OGT: variants seen among roughly 807,000 people sequenced by gnomAD.
OGT encodes the protein UDP-N-acetylglucosamine--peptide N-acetylglucosaminyltransferase 110 kDa subunit.
A neutral mutation model predicts 75.8 loss-of-function variants in OGT; 3 were observed. That is an observed-to-expected ratio of 0.04 (90% CI 0.02 to 0.10). OGT has a LOEUF of 0.10. Ranked by LOEUF, OGT falls within the 10% of genes least tolerant of loss-of-function variation. The probability of loss-of-function intolerance (pLI) is 1.00; values close to 1 mark genes in which losing one functional copy is unlikely to be tolerated. For synonymous variants in OGT, 257 were observed against 289.7 expected (o/e 0.89, Z 1.15); for missense variants, 260 against 824.4 (o/e 0.32, Z 8.38).
chrX:71,558,117 A>G (rs780969224), intron 12 of OGT, among the ~76,000 whole-genome samples: 66 of 108,757 alleles, frequency 6.1e-4, no homozygotes, highest in South Asian at 8.1e-4. Context: ...CACCACACCT[A>G]ATTTTGTGTT....
intron 4 of OGT, chrX:71,547,640 G>A: frequency 1.0e-6 from 1 of 991,357 alleles, no homozygotes. Context: ...CCCAGTGTAA[G>A]GGTTGGTCTT....
intron 19 of OGT, among the ~76,000 whole-genome samples, chrX:71,567,272 C>T (rs964824644): frequency 8.9e-6 from 1 of 112,070 alleles, no homozygotes; most frequent in Non-Finnish European, 1.9e-5. Flanking sequence ...AGGTAGCTGC[C>T]TCAGATTTTG....
intron 3 of OGT, among the ~76,000 whole-genome samples, chrX:71,539,826 C>T (rs1258669236): frequency 9.0e-6 from 1 of 111,422 alleles, no homozygotes; most frequent in Admixed American, 9.5e-5. Flanking sequence ...TCTTACACAG[C>T]TGTGGTTCTT....
intron 1 of OGT, 39 bp from the exon 2 acceptor site, chrX:71,536,139 T>TC (rs779245499): frequency 3.5e-6 from 4 of 1,127,353 alleles, no homozygotes; most frequent in Non-Finnish European, 4.7e-6. Context: ...CTTTTTGTTT[T>TC]CCCCCCTCCT....
chrX:71,552,146 C>T (rs984415506), intron 5 of OGT, among the ~76,000 whole-genome samples: 41 of 109,049 alleles, frequency 3.8e-4, no homozygotes, highest in African/African-American at 1.3e-3. Context: ...TGCCTGAACC[C>T]GGGAGGAGGA....
chrX:71,544,793 C>T (rs2040248253), intron 4 of OGT, 158 bp downstream of exon 4: 2 of 464,457 alleles, frequency 4.3e-6, no homozygotes, highest in Non-Finnish European at 7.5e-6. Flanking sequence ...CAGGGCCAGG[C>T]TTTGGCATAT....
At chrX:71,555,451 G>A in intron 7 of OGT, 66 bp downstream of exon 7, 1 of 1,011,407 alleles carries the variant, frequency 9.9e-7, no homozygotes, top group Non-Finnish European at 1.4e-6. Flanking sequence ...GCCAGGTGTG[G>A]TGGCTCACAC....
chrX:71,558,962 T>A (rs1169907374), intron 12 of OGT, among the ~76,000 whole-genome samples: 2 of 100,724 alleles, frequency 2.0e-5, no homozygotes, highest in Non-Finnish European at 4.0e-5. Context: ...TTTTTTTTTT[T>A]AGTAGAGATT....
At position 71,567,491 on chromosome X, in the gene OGT, C is replaced by T. The variant is rs780475590; in HGVS notation, c.2590-9C>T. The T allele has an allele frequency of 9.0e-7, 1 of 1,114,050 alleles. No individual in the cohort carries two copies. The highest frequency in any genetic ancestry group is 3.0e-5 in the East Asian group (1 of 32,836). The allele number at this position is 1,114,050 out of a possible 1,213,427, so 91.8% of individuals were successfully genotyped here. On this transcript the variant is annotated splice_polypyrimidine_tract_variant and intron_variant, in intron 19 of 21. Transcript: ENST00000373719. ...CTATTAATAATTATTCTTATTTTCCCTATTTTAGATTCTGAAGCGTGTTCC... is the reference window on the plus strand; with the variant it reads ...CTATTAATAATTATTCTTATTTTCCTTATTTTAGATTCTGAAGCGTGTTCC...
Position 71,536,362 on chromosome X carries a change from G to T in OGT, c.218+4G>T. The T allele has an allele frequency of 8.8e-7, 1 of 1,138,379 alleles. No homozygotes were observed. 93.8% of individuals were successfully genotyped at this position (1,138,379 alleles called of 1,213,427 possible). A position where few individuals can be genotyped will look rare whatever the true frequency, so the allele number is the denominator to read the frequency against. ...TCCAGTGTCGAAGGCTGGACAGGTA[G>T]GAGATGTTGGGGTACCTGCTCGTGA... On this transcript the variant is annotated splice_donor_region_variant and intron_variant, in intron 2 of 21. Transcript: ENST00000373719.
At chrX:71,559,171 A>G (rs2040365554) in intron 12 of OGT, 96 bp from the exon 13 acceptor site, 1 of 791,482 alleles carries the variant, frequency 1.3e-6, no homozygotes, top group Non-Finnish European at 1.8e-6. Context: ...ACCTTTTTCA[A>G]CAGGTGTGAG....
chrX:71,538,231 C>T (rs950505321), intron 3 of OGT, among the ~76,000 whole-genome samples, 159 bp downstream of exon 3: 2 of 112,409 alleles, frequency 1.8e-5, no homozygotes, highest in African/African-American at 6.5e-5. Flanking sequence ...AGCTGGTCTG[C>T]GTTATGCTAA....
intron 3 of OGT, among the ~76,000 whole-genome samples, chrX:71,538,952 A>G (rs1159869069): frequency 8.9e-6 from 1 of 112,401 alleles, no homozygotes; most frequent in Non-Finnish European, 1.9e-5. Flanking sequence ...TAATCCTCAC[A>G]ATAATTCTTC....
chrX:71,551,365 C>T, intron 5 of OGT, among the ~76,000 whole-genome samples: 1 of 112,610 alleles, frequency 8.9e-6, no homozygotes, highest in Non-Finnish European at 1.9e-5. Context: ...GGCTTGGTGG[C>T]TCACGCCTGT....
intron 2 of OGT, among the ~76,000 whole-genome samples, chrX:71,537,604 A>G (rs1417228768): frequency 1.8e-5 from 2 of 113,030 alleles, no homozygotes; most frequent in African/African-American, 3.2e-5. Flanking sequence ...CGCCCAGCCA[A>G]TAATTTTATT....
At chrX:71,566,991 G>A (rs2040420885) in intron 19 of OGT, among the ~76,000 whole-genome samples, 1 of 112,495 alleles carries the variant, frequency 8.9e-6, no homozygotes, top group South Asian at 3.6e-4. Context: ...AAACTTAATG[G>A]ACACATAGCT....
At chrX:71,557,362 T>TAAG in intron 11 of OGT, 66 bp downstream of exon 11, 1 of 1,069,353 alleles carries the variant, frequency 9.4e-7, no homozygotes, top group South Asian at 2.0e-5. Context: ...TTGTATGCCA[T>TAAG]AAGAATCCAA....
intron 11 of OGT, 73 bp downstream of exon 11, chrX:71,557,369 C>T (rs1049262885): frequency 9.5e-7 from 1 of 1,051,174 alleles, no homozygotes; most frequent in African/African-American, 1.8e-5. Context: ...CCATAAGAAT[C>T]CAAGCCTGAC....
intron 3 of OGT, 132 bp downstream of exon 3, chrX:71,538,204 A>G (rs751988424): frequency 2.4e-5 from 17 of 716,955 alleles, no homozygotes; most frequent in Admixed American, 7.5e-5. Context: ...TGTACTTAAA[A>G]TGGTGAAATT....
Sources: allele counts gnomAD v4.1 joint callset (sites outside exome capture counted in the v4.1 genomes callset), GRCh38; gene constraint gnomAD v4.1.1; transcripts MANE v1.5; gene names NCBI Gene and HGNC (gene_info 2026-07-23, HGNC 2026-07-21).